The following LRRTM4 variants were observed in gnomAD, a reference collection of about 807,000 sequenced individuals.
LRRTM4 encodes the protein leucine rich repeat transmembrane neuronal 4.
A neutral mutation model predicts 47.6 loss-of-function variants in LRRTM4; 25 were observed. The ratio of observed to expected loss-of-function variants is 0.53; its 90% CI spans 0.38 to 0.73. LRRTM4 has a LOEUF of 0.73. Ranked by LOEUF, LRRTM4 falls within the 30% of genes least tolerant of loss-of-function variation. The pLI, the probability that LRRTM4 is intolerant of heterozygous loss-of-function variation, is 0.00. For missense variants in LRRTM4, 638 were observed against 713.4 expected (o/e 0.89, Z 1.20); for synonymous variants, 311 against 269.5 (o/e 1.15, Z -1.51).
chr2:77,191,025 T>C (rs768760718), intron 3 of LRRTM4, among the ~76,000 whole-genome samples: 1 of 152,158 alleles, frequency 6.6e-6, no homozygotes, highest in African/African-American at 2.4e-5. Context: ...TTTGCACCAA[T>C]CTAATACGTT....
chr2:77,237,263 C>T (rs189905450), intron 3 of LRRTM4, among the ~76,000 whole-genome samples: 28 of 151,482 alleles, frequency 1.8e-4, no homozygotes, highest in Admixed American at 1.4e-3. Context: ...TCCAGATTCA[C>T]GCTTGGGAGA....
intron 3 of LRRTM4, among the ~76,000 whole-genome samples, chr2:76,967,196 T>C (rs1676056237): frequency 6.7e-6 from 1 of 150,358 alleles, no homozygotes; most frequent in African/African-American, 2.4e-5. Context: ...GGCACTACCA[T>C]TTACCTATTC....
intron 3 of LRRTM4, among the ~76,000 whole-genome samples, chr2:77,331,370 T>G (rs1670966498): frequency 6.6e-6 from 1 of 152,110 alleles, no homozygotes; most frequent in Admixed American, 6.5e-5. Flanking sequence ...TACCCTTCAT[T>G]GTGCCAAGCA....
At chr2:77,282,881 T>A (rs1676545977) in intron 3 of LRRTM4, among the ~76,000 whole-genome samples, 1 of 151,890 alleles carries the variant, frequency 6.6e-6, no homozygotes, top group Admixed American at 6.6e-5. Flanking sequence ...GACCTCGAAA[T>A]ATAAGAATCC....
At chr2:77,429,605 A>G (rs905775678) in intron 3 of LRRTM4, among the ~76,000 whole-genome samples, 3 of 152,224 alleles carry the variant, frequency 2.0e-5, no homozygotes, top group Admixed American at 6.5e-5. Flanking sequence ...CAGGCACAGA[A>G]AGAAAAATAC....
In LRRTM4 at chr2:76,847,204, T is replaced by G. The variant is rs142984151; in HGVS notation, c.1552-98288A>C. ...ATTATATCTTTTGGTCATTCATCAC[T>G]CTTTTGTTCCCACTCTCAACATATT... On this transcript the variant is annotated intron_variant, in intron 3 of 3. Coordinates refer to ENST00000409884, the MANE Select transcript of LRRTM4 (RefSeq NM_001134745.3). Among the ~76,000 whole-genome samples, 239 of 152,004 alleles carry G rather than the reference T, an allele frequency of 1.6e-3. 2 individuals are homozygous for G. Among genetic ancestry groups the G allele is most frequent in the Middle Eastern group, 3.4e-3 (1 of 294 alleles).
At chr2:76,763,842 T>G (rs1035844468) in intron 3 of LRRTM4, among the ~76,000 whole-genome samples, 2 of 152,166 alleles carry the variant, frequency 1.3e-5, no homozygotes, top group Admixed American at 1.3e-4. Flanking sequence ...TTCTGTACAT[T>G]GTAGCATGTT....
chr2:77,362,115 G>GAGAAAGACAGAAAGAAATAA (rs1672240461), intron 3 of LRRTM4, among the ~76,000 whole-genome samples: 1 of 98,778 alleles, frequency 1.0e-5, no homozygotes, highest in African/African-American at 4.7e-5. Context: ...GAAAGAAAGA[G>GAGAAAGACAGAAAGAAATAA]AGAAAGAAAG....
At chr2:76,826,930 C>G (rs1295235227) in intron 3 of LRRTM4, among the ~76,000 whole-genome samples, 1 of 151,938 alleles carries the variant, frequency 6.6e-6, no homozygotes, top group African/African-American at 2.4e-5. Flanking sequence ...CCAGCCATCT[C>G]AGACAGGCAC....
intron 3 of LRRTM4, among the ~76,000 whole-genome samples, chr2:77,248,519 T>G (rs1406170017): frequency 6.6e-6 from 1 of 152,112 alleles, no homozygotes; most frequent in Non-Finnish European, 1.5e-5. Context: ...TCCCAGAAGC[T>G]TATCTTGTAG....
At chr2:77,009,610 C>G (rs1677793683) in intron 3 of LRRTM4, 1 of 152,112 alleles carries the variant, frequency 6.6e-6, no homozygotes, top group Non-Finnish European at 1.5e-5. Context: ...CAAAATAAAG[C>G]TAAGACTGTG....
At chr2:76,950,076 T>A (rs777005991) in intron 3 of LRRTM4, among the ~76,000 whole-genome samples, 25 of 151,838 alleles carry the variant, frequency 1.6e-4, no homozygotes, top group Non-Finnish European at 3.2e-4. Flanking sequence ...GAGAAATGAA[T>A]TCACAAATTA....
chr2:77,507,984 T>C (rs911148919), intron 3 of LRRTM4, among the ~76,000 whole-genome samples: 1 of 152,166 alleles, frequency 6.6e-6, no homozygotes, highest in Non-Finnish European at 1.5e-5. Context: ...ATTAAATTCA[T>C]ACTTGATCTG....
intron 3 of LRRTM4, among the ~76,000 whole-genome samples, chr2:77,441,997 T>C (rs924582322): frequency 1.5e-4 from 23 of 152,076 alleles, no homozygotes; most frequent in African/African-American, 5.6e-4. Flanking sequence ...AACAAGGCAA[T>C]GCAAGCAATG....
At chr2:76,834,092 G>C (rs1287864870) in intron 3 of LRRTM4, among the ~76,000 whole-genome samples, 2 of 151,212 alleles carry the variant, frequency 1.3e-5, no homozygotes, top group African/African-American at 2.4e-5. Flanking sequence ...CCTGGCTGGA[G>C]TGCAGTGGCA....
chr2:76,782,081 C>T (rs76999242), intron 3 of LRRTM4, among the ~76,000 whole-genome samples: 1,916 of 152,216 alleles, frequency 0.013, 43 homozygotes, highest in African/African-American at 0.042. Context: ...ATTTTTTCCT[C>T]AAATTATATT....
rs566351870 is a variant in LRRTM4, at chr2:77,187,102, C to T, written c.1551+331216G>A. ...GGCTGCTACAATGCCCAGCAAGGCACTTTTTCTACAACAGGGCCACCATAT... is the reference window on the plus strand; with the variant it reads ...GGCTGCTACAATGCCCAGCAAGGCATTTTTTCTACAACAGGGCCACCATAT... On this transcript the variant is annotated intron_variant, in intron 3 of 3. Transcript: ENST00000409884. 1.1e-3 allele frequency among the ~76,000 whole-genome samples: 167 copies of T among 152,172 alleles called. 1 individual carries two copies. Among genetic ancestry groups the T allele is most frequent in the African/African-American group, 3.8e-3 (157 of 41,550 alleles).
intron 3 of LRRTM4, among the ~76,000 whole-genome samples, chr2:77,373,988 C>T (rs1307950313): frequency 6.6e-6 from 1 of 151,748 alleles, no homozygotes; most frequent in Non-Finnish European, 1.5e-5. Flanking sequence ...CAAAGCCTTG[C>T]TGGAAATGAG....
At chr2:77,025,268 G>T (rs1002941771) in intron 3 of LRRTM4, among the ~76,000 whole-genome samples, 4 of 152,080 alleles carry the variant, frequency 2.6e-5, no homozygotes, top group African/African-American at 7.2e-5. Context: ...CTTTGAAAAA[G>T]GTTGATTTAC....
Sources: allele counts gnomAD v4.1 joint callset (sites outside exome capture counted in the v4.1 genomes callset), GRCh38; gene constraint gnomAD v4.1.1; transcripts MANE v1.5; gene names NCBI Gene and HGNC (gene_info 2026-07-23, HGNC 2026-07-21).